The following PCBD2 variants were observed in gnomAD, a reference collection of about 807,000 sequenced individuals.
PCBD2 encodes pterin-4 alpha-carbinolamine dehydratase 2.
A neutral mutation model predicts 16.4 loss-of-function variants in PCBD2; 12 were observed. That is an observed-to-expected ratio of 0.73 (90% CI 0.47 to 1.19). PCBD2 has a LOEUF of 1.19. PCBD2 is among the 50% of genes most tolerant of loss of function. The probability of loss-of-function intolerance (pLI) is 0.00; values close to 1 mark genes in which losing one functional copy is unlikely to be tolerated. For synonymous variants in PCBD2, 58 were observed against 61.8 expected, an observed-to-expected ratio of 0.94 and a Z score of 0.29; for missense variants, 138 against 156.8, an observed-to-expected ratio of 0.88 and a Z score of 0.64.
rs952283417 is a variant in PCBD2, at chr5:134,908,210, C to T, written c.85-2125C>T. On this transcript the variant is annotated intron_variant, in intron 1 of 3. Coordinates refer to ENST00000254908, the MANE Select transcript of PCBD2 (RefSeq NM_032151.5). ...GTGCCAGGATTACAGATGTGAGCCA[C>T]TGTGCCCAGCCCTAGTAAATGTTTT... Among the ~76,000 whole-genome samples the T allele has an allele frequency of 1.5e-4, 23 of 149,386 alleles. No homozygotes were observed. In the South Asian group the frequency reaches 1.7e-3, roughly 11 times the overall value.
intron 2 of PCBD2, among the ~76,000 whole-genome samples, chr5:134,930,291 T>C (rs1482389488): frequency 6.6e-6 from 1 of 152,152 alleles, no homozygotes; most frequent in Admixed American, 6.5e-5. Flanking sequence ...TAGTTGTATT[T>C]TGAATGCATG....
intron 2 of PCBD2, among the ~76,000 whole-genome samples, chr5:134,911,940 C>G (rs1296331904): frequency 6.6e-6 from 1 of 152,210 alleles, no homozygotes; most frequent in Admixed American, 6.5e-5. Context: ...TATTAAAATT[C>G]TTACATATGT....
chr5:134,908,167 C>A (rs1326375392), intron 1 of PCBD2, among the ~76,000 whole-genome samples: 1 of 151,616 alleles, frequency 6.6e-6, no homozygotes, highest in Non-Finnish European at 1.5e-5. Context: ...AATGATCCTC[C>A]CACCTCAGCT....
intron 2 of PCBD2, among the ~76,000 whole-genome samples, chr5:134,954,557 G>A (rs1405157037): frequency 1.3e-5 from 2 of 152,158 alleles, no homozygotes; most frequent in Non-Finnish European, 2.9e-5. Context: ...CAAGAAGGAT[G>A]AGTGATAATT....
chr5:134,919,237 A>G (rs894878483), intron 2 of PCBD2, among the ~76,000 whole-genome samples: 2 of 152,224 alleles, frequency 1.3e-5, no homozygotes, highest in Admixed American at 6.5e-5. Context: ...GGTGTGTAAA[A>G]AATAAAAAAG....
intron 2 of PCBD2, among the ~76,000 whole-genome samples, chr5:134,955,807 C>G (rs1450991701): frequency 6.6e-6 from 1 of 152,134 alleles, no homozygotes; most frequent in East Asian, 1.9e-4. Context: ...AGCTCAAAGC[C>G]TTTGAGCTGG....
chr5:134,941,958 A>G (rs1751234194), intron 2 of PCBD2, among the ~76,000 whole-genome samples: 2 of 151,068 alleles, frequency 1.3e-5, no homozygotes, highest in Admixed American at 6.6e-5. Context: ...CTCTACTAAA[A>G]AAGTACCAAA....
intron 2 of PCBD2, among the ~76,000 whole-genome samples, chr5:134,911,810 C>G (rs1750771874): frequency 6.6e-6 from 1 of 152,228 alleles, no homozygotes; most frequent in African/African-American, 2.4e-5. Context: ...GACTCCCTGT[C>G]CCCGCTGCCC....
chr5:134,911,517 C>A (rs1281983331), intron 2 of PCBD2, among the ~76,000 whole-genome samples: 1 of 152,192 alleles, frequency 6.6e-6, no homozygotes, highest in Non-Finnish European at 1.5e-5. Flanking sequence ...TGGGTGTCGG[C>A]ATCTAGAAGT....
chr5:134,960,843 T>C lies in PCBD2; in HGVS notation c.*162T>C. 1.8e-6 allele frequency: 1 copy of C among 549,210 alleles called. No individual in the cohort carries two copies. Among genetic ancestry groups the C allele is most frequent in the East Asian group, 3.4e-5 (1 of 29,590 alleles). The allele number at this position is 549,210 out of a possible 1,614,324, so 34.0% of individuals were successfully genotyped here. Reference sequence around the variant, plus strand: ...GTGCAGTGGTATGATCTCGGCTCACTGTAACCTCCGCCTCCCAGGTTCAGG... The same window carrying C: ...GTGCAGTGGTATGATCTCGGCTCACCGTAACCTCCGCCTCCCAGGTTCAGG... On this transcript the variant is annotated 3_prime_UTR_variant, in exon 4 of 4. Transcript: ENST00000254908.
chr5:134,923,812 G>A (rs1458289516), intron 2 of PCBD2: 6 of 393,762 alleles, frequency 1.5e-5, no homozygotes, highest in Admixed American at 4.4e-5. Flanking sequence ...TGAAGGTAGC[G>A]GATGATTCAG....
chr5:134,912,701 T>C (rs1424431620), intron 2 of PCBD2, among the ~76,000 whole-genome samples: 2 of 152,072 alleles, frequency 1.3e-5, no homozygotes, highest in Non-Finnish European at 2.9e-5. Flanking sequence ...TATTGCAGAG[T>C]GGTCTTGTTT....
intron 2 of PCBD2, among the ~76,000 whole-genome samples, chr5:134,918,624 T>A (rs1188533772): frequency 6.6e-6 from 1 of 152,236 alleles, no homozygotes. Flanking sequence ...ACTGTTGCAT[T>A]TAACATGTGC....
At position 134,905,333 on chromosome 5, in the gene PCBD2, G is replaced by T. The variant is rs1684932390; in HGVS notation, c.84+110G>T. ...GACTGGGGCGAACCCGGCGTGGGCC[G>T]AGCCTTGGAGCTCGGGCGTCGGGTC... On this transcript the variant is annotated intron_variant, in intron 1 of 3. Coordinates refer to ENST00000254908, the MANE Select transcript of PCBD2 (RefSeq NM_032151.5). 8.2e-6 allele frequency: 8 copies of T among 974,382 alleles called. No individual in the cohort carries two copies. The South Asian group carries it at 4.1e-4, about 50-fold the overall frequency. 60.4% of individuals were successfully genotyped at this position (974,382 alleles called of 1,614,324 possible). A position where few individuals can be genotyped will look rare whatever the true frequency, so the allele number is the denominator to read the frequency against.
chr5:134,908,562 G>T (rs1425964660), intron 1 of PCBD2, among the ~76,000 whole-genome samples: 1 of 151,646 alleles, frequency 6.6e-6, no homozygotes, highest in Admixed American at 6.6e-5. Context: ...CTACTCAGGA[G>T]GCTGAGGCAG....
chr5:134,921,486 C>T (rs1750902738), intron 2 of PCBD2, among the ~76,000 whole-genome samples: 1 of 152,000 alleles, frequency 6.6e-6, no homozygotes, highest in Admixed American at 6.6e-5. Context: ...AGAGGACATA[C>T]TTTGTCTGCA....
At chr5:134,915,426 T>C (rs913477066) in intron 2 of PCBD2, among the ~76,000 whole-genome samples, 2 of 149,630 alleles carry the variant, frequency 1.3e-5, no homozygotes, top group African/African-American at 4.9e-5. Flanking sequence ...TAAAGCCTGA[T>C]GGGCCTCTAA....
chr5:134,937,911 T>C (rs1751179794), intron 2 of PCBD2, among the ~76,000 whole-genome samples: 1 of 152,204 alleles, frequency 6.6e-6, no homozygotes, highest in South Asian at 2.1e-4. Context: ...CTTATACATG[T>C]TATTTAATTT....
Position 134,960,615 on chromosome 5 carries a change from T to C in PCBD2, c.327T>C (p.Cys109=). 1 of 1,613,266 alleles carries C rather than the reference T, an allele frequency of 6.2e-7. No homozygotes were observed. The highest frequency in any genetic ancestry group is 1.1e-5 in the South Asian group (1 of 91,050). ...KVQITLTSHD[C]GELTKKDVKL... ...AGATAACTCTCACCTCACATGACTG[T>C]GGTGAACTGACCAAAAAAGATGTGA... Residue 109 remains cysteine (C), a synonymous_variant, in exon 4 of 4, where the codon TGT becomes TGC. Transcript: ENST00000254908.
Sources: gnomAD v4.1 joint callset for allele counts (sites outside exome capture counted in the v4.1 genomes callset) on GRCh38, gnomAD v4.1.1 for gene constraint, MANE v1.5 for transcripts, NCBI Gene and HGNC (gene_info 2026-07-23, HGNC 2026-07-21) for gene names.